Variants in DENND4C observed in about 807,000 individuals in gnomAD.
DENND4C encodes the protein DENN domain-containing protein 4C.
A neutral mutation model predicts 203.0 loss-of-function variants in DENND4C; 108 were observed. The observed-to-expected ratio is 0.53, with a 90% CI of 0.46 to 0.62. The LOEUF is 0.62. DENND4C is among the 20% of genes least tolerant of loss of function. The pLI, the probability that DENND4C is intolerant of heterozygous loss-of-function variation, is 0.00. For missense variants in DENND4C, 2,481 were observed against 2,301.2 expected (o/e 1.08, Z -1.60); for synonymous variants, 871 against 792.4 (o/e 1.10, Z -1.67).
intron 1 of DENND4C, among the ~76,000 whole-genome samples, chr9:19,248,447 T>C (rs1825779129): frequency 6.6e-6 from 1 of 152,116 alleles, no homozygotes; most frequent in South Asian, 2.1e-4. Context: ...TGGAGTACAA[T>C]GGCACGATCT....
chr9:19,237,383 G>A (rs1822244419), intron 1 of DENND4C, among the ~76,000 whole-genome samples: 1 of 150,138 alleles, frequency 6.7e-6, no homozygotes, highest in African/African-American at 2.5e-5. Context: ...GCAGAGTCTC[G>A]CTCTATCACC....
chr9:19,326,643 AT>A (rs1817894798), intron 15 of DENND4C, among the ~76,000 whole-genome samples: 1 of 152,214 alleles, frequency 6.6e-6, no homozygotes, highest in Admixed American at 6.5e-5. Context: ...TAGTTTTTTT[AT>A]TGCTATAAAT....
chr9:19,231,728 A>G (rs1277083355), intron 1 of DENND4C, among the ~76,000 whole-genome samples: 4 of 151,956 alleles, frequency 2.6e-5, no homozygotes, highest in African/African-American at 7.3e-5. Context: ...TTTGAGGGAA[A>G]GTGTCATTTC....
At chr9:19,350,331 A>G (rs924661918) in intron 23 of DENND4C, among the ~76,000 whole-genome samples, 2 of 152,222 alleles carry the variant, frequency 1.3e-5, no homozygotes, top group Admixed American at 1.3e-4. Context: ...ATGGTGGAGA[A>G]CAAGGTCACA....
intron 21 of DENND4C, among the ~76,000 whole-genome samples, 184 bp downstream of exon 21, chr9:19,341,298 ACTTT>A (rs927242927): frequency 4.4e-4 from 64 of 146,650 alleles, no homozygotes; most frequent in East Asian, 1.6e-3. Flanking sequence ...ATTTAAGAGA[ACTTT>A]CTTTCTTTCT....
At chr9:19,268,877 C>G (rs142962375) in intron 1 of DENND4C, among the ~76,000 whole-genome samples, 15 of 152,132 alleles carry the variant, frequency 9.9e-5, no homozygotes, top group Non-Finnish European at 1.8e-4. Context: ...TCATTCTTGA[C>G]CTTTGGGAGT....
chr9:19,242,912 C>T (rs192128108), intron 1 of DENND4C, among the ~76,000 whole-genome samples: 1 of 152,252 alleles, frequency 6.6e-6, no homozygotes, highest in African/African-American at 2.4e-5. Context: ...CCTCAGCTTC[C>T]CAAAGTGCTG....
At chr9:19,299,675 C>A (rs1838157674) in intron 8 of DENND4C, among the ~76,000 whole-genome samples, 1 of 152,298 alleles carries the variant, frequency 6.6e-6, no homozygotes, top group African/African-American at 2.4e-5. Context: ...CAGACTATTT[C>A]ACTATTAGCC....
intron 30 of DENND4C, among the ~76,000 whole-genome samples, chr9:19,363,268 A>C (rs1188596691): frequency 6.6e-6 from 1 of 152,162 alleles, no homozygotes; most frequent in Admixed American, 6.5e-5. Flanking sequence ...TAATCCCAGC[A>C]CTTTGGGAGG....
At position 19,367,226 on chromosome 9, in the gene DENND4C, C is replaced by T. The variant is rs938088102; in HGVS notation, c.5525-2611C>T. On this transcript the variant is annotated intron_variant, in intron 30 of 32. Coordinates refer to ENST00000434457, the MANE Select transcript of DENND4C (RefSeq NM_001330640.2). The stretch of plus-strand genomic sequence containing the variant: ...GAAGATGTGGAGAAAGTGGAACCCT[C>T]AGACACTGTCAGTTAGAATATAAAA... Among the ~76,000 whole-genome samples the T allele has an allele frequency of 8.5e-5, 13 of 152,290 alleles. 1 individual carries two copies. The highest frequency in any genetic ancestry group is 4.6e-4 in the Admixed American group (7 of 15,292).
chr9:19,352,813 T>TGGG lies in DENND4C; in HGVS notation c.4781+149_4781+151dup, dbSNP rs538789389. 4.9e-3 allele frequency: 2,678 copies of TGGG among 541,110 alleles called. 19 individuals carry two copies. Among genetic ancestry groups the TGGG allele is most frequent in the Non-Finnish European group, 7.0e-3 (2,295 of 326,560 alleles). The allele number at this position is 541,110 out of a possible 1,614,324, so 33.5% of individuals were successfully genotyped here. ...ATTTGAGTAGCAAATACTAGTAATG[T>TGGG]GGGAGTCTACTTTTCCATTTTATTT... On this transcript the variant is annotated intron_variant, in intron 26 of 32. Coordinates refer to ENST00000434457, the MANE Select transcript of DENND4C (RefSeq NM_001330640.2).
intron 4 of DENND4C, among the ~76,000 whole-genome samples, chr9:19,289,897 T>G (rs569325665): frequency 1.6e-4 from 25 of 152,106 alleles, no homozygotes; most frequent in Non-Finnish European, 2.4e-4. Context: ...ATGTCCTTTT[T>G]TTGTTGTTGT....
At position 19,316,750 on chromosome 9, in the gene DENND4C, T is replaced by A. The variant is rs762900121; in HGVS notation, c.1718T>A (p.Ile573Asn). 1 of 1,614,092 alleles carries A rather than the reference T, an allele frequency of 6.2e-7. No homozygotes were observed. The highest frequency in any genetic ancestry group is 1.3e-5 in the African/African-American group (1 of 75,046). Residue 573 changes from isoleucine to asparagine, a missense_variant, in exon 12 of 33, where the codon ATT becomes AAT. Transcript: ENST00000434457. Reference protein sequence around the residue: ...QEAFLRFMASILKGYRTYLRP... With the variant: ...QEAFLRFMASNLKGYRTYLRP... ...GCATTTTTGCGCTTTATGGCGTCTA[T>A]TTTAAAAGGATATAGAACATATCTC... is the stretch of plus-strand genomic sequence containing the variant.
chr9:19,240,401 C>T (rs1465464124), intron 1 of DENND4C, among the ~76,000 whole-genome samples: 1 of 152,130 alleles, frequency 6.6e-6, no homozygotes, highest in Non-Finnish European at 1.5e-5. Flanking sequence ...GGCACAGTGG[C>T]TCACACTTGT....
intron 4 of DENND4C, among the ~76,000 whole-genome samples, chr9:19,289,956 A>C (rs1352343000): frequency 6.6e-6 from 1 of 152,156 alleles, no homozygotes; most frequent in Admixed American, 6.5e-5. Context: ...TTATAGAAAG[A>C]AACTGTACCA....
rs79186091 is a variant in DENND4C at position 19,308,804 on chromosome 9, T to C, written c.1487+3277T>C. On this transcript the variant is annotated intron_variant, in intron 10 of 32. Transcript: ENST00000434457. ...TTGCCTCTCTCATTTAGTTATTTAA[T>C]TCAGCTAAACTTGATGTGACATATC... is the stretch of plus-strand genomic sequence containing the variant. 9.1e-4 allele frequency among the ~76,000 whole-genome samples: 138 copies of C among 152,356 alleles called. 1 individual carries two copies. Among genetic ancestry groups the C allele is most frequent in the African/African-American group, 3.1e-3 (130 of 41,592 alleles).
At chr9:19,263,898 G>A (rs894571463) in intron 1 of DENND4C, among the ~76,000 whole-genome samples, 6 of 152,052 alleles carry the variant, frequency 3.9e-5, no homozygotes, top group African/African-American at 1.2e-4. Context: ...GACCTCAGGT[G>A]ATCTGCCCGC....
chr9:19,368,567 T>C (rs545966627), intron 30 of DENND4C, among the ~76,000 whole-genome samples: 6 of 152,174 alleles, frequency 3.9e-5, no homozygotes, highest in Admixed American at 3.9e-4. Context: ...GAGGCCAAGG[T>C]GGGAGGATCA....
chr9:19,269,739 C>A (rs1011677588), intron 1 of DENND4C, among the ~76,000 whole-genome samples: 2 of 152,142 alleles, frequency 1.3e-5, no homozygotes, highest in Non-Finnish European at 2.9e-5. Context: ...GTCTGTCATT[C>A]CAGGATTGGT....
Sources: allele counts gnomAD v4.1 joint callset (sites outside exome capture counted in the v4.1 genomes callset), GRCh38; gene constraint gnomAD v4.1.1; transcripts MANE v1.5; gene names NCBI Gene and HGNC (gene_info 2026-07-23, HGNC 2026-07-21).